STYX: variants seen among roughly 807,000 people sequenced by gnomAD.
STYX encodes the protein serine/threonine/tyrosine-interacting protein.
A neutral mutation model predicts 42.7 loss-of-function variants in STYX; 20 were observed. The observed-to-expected ratio is 0.47, with a 90% CI of 0.33 to 0.68. The LOEUF is 0.68. Among genes scored for constraint, STYX ranks in the 30% least tolerant of loss-of-function variants. STYX has a pLI of 0.02. For synonymous variants in STYX, 78 were observed against 81.9 expected, an observed-to-expected ratio of 0.95 and a Z score of 0.26; for missense variants, 226 against 268.5, an observed-to-expected ratio of 0.84 and a Z score of 1.11.
At chr14:52,768,790 T>TC in intron 9 of STYX, 50 bp from the exon 10 acceptor site, 1 of 1,334,224 alleles carries the variant, frequency 7.5e-7, no homozygotes, top group South Asian at 1.4e-5. Context: ...ATTTTGGGTA[T>TC]CCAAGAATGT....
Position 52,757,875 on chromosome 14 carries a change from G to A in STYX, c.382G>A (p.Ala128Thr). ...TTAAAATTATTTTCCCCTCTTCAGT[G>A]CAGCCTTTGTTATTGCATACATTAT... ...VHGNAGISRS[A>T]AFVIAYIMET... The change falls in exon 8 of 11, where the codon GCA (alanine) becomes ACA (threonine). Residue 128 changes from alanine to threonine, a missense_variant and splice_region_variant. Ala to Thr is a moderately conservative substitution (Grantham distance 58). Coordinates refer to ENST00000354586, the MANE Select transcript of STYX (RefSeq NM_145251.4). 1.2e-6 allele frequency: 2 copies of A among 1,612,706 alleles called. No homozygotes were observed. Among genetic ancestry groups the A allele is most frequent in the Non-Finnish European group, 1.7e-6 (2 of 1,179,768 alleles).
In STYX at chr14:52,736,112, C is replaced by G. The variant is rs925196166; in HGVS notation, c.57+5581C>G. On this transcript the variant is annotated intron_variant, in intron 1 of 10. Transcript: ENST00000354586. ...TCCTGGAATGCTTTAATTTCCACCC[C>G]CCGCCTTCAGAGCCTTTATGTTTGC... Among the ~76,000 whole-genome samples the G allele has an allele frequency of 3.3e-5, 5 of 152,180 alleles. No individual in the cohort carries two copies. The South Asian group carries it at 1.0e-3, about 32-fold the overall frequency.
intron 9 of STYX, among the ~76,000 whole-genome samples, chr14:52,765,559 G>C (rs987926297): frequency 6.6e-6 from 1 of 152,210 alleles, no homozygotes; most frequent in Non-Finnish European, 1.5e-5. Context: ...CCAATTTTAA[G>C]ATTCCCCCCT....
chr14:52,754,235 T>A (rs1314418138), intron 4 of STYX, among the ~76,000 whole-genome samples: 1 of 151,392 alleles, frequency 6.6e-6, no homozygotes, highest in East Asian at 1.9e-4. Flanking sequence ...TTTTCAAAGA[T>A]AGGATCTTTC....
chr14:52,770,351 AT>A (rs1016608830), intron 10 of STYX, among the ~76,000 whole-genome samples: 2 of 152,126 alleles, frequency 1.3e-5, no homozygotes, highest in Non-Finnish European at 2.9e-5. Flanking sequence ...AGGTCATGCC[AT>A]TGTTAGGCAA....
intron 1 of STYX, among the ~76,000 whole-genome samples, chr14:52,737,473 T>C (rs1230978603): frequency 6.6e-6 from 1 of 152,240 alleles, no homozygotes; most frequent in Admixed American, 6.5e-5. Context: ...TATTTTGGTT[T>C]ATCTGGCTTG....
At chr14:52,745,131 T>C (rs1281477916) in intron 2 of STYX, among the ~76,000 whole-genome samples, 2 of 151,502 alleles carry the variant, frequency 1.3e-5, no homozygotes, top group Non-Finnish European at 2.9e-5. Flanking sequence ...TTGTTTTTTT[T>C]TTTTTTGAAA....
At chr14:52,741,768 T>G (rs1169836434) in intron 1 of STYX, among the ~76,000 whole-genome samples, 1 of 152,188 alleles carries the variant, frequency 6.6e-6, no homozygotes, top group Non-Finnish European at 1.5e-5. Flanking sequence ...TCAATTATAC[T>G]TCTTATTTCT....
In STYX at chr14:52,772,862, C is replaced by CG. The variant is rs1179734347; in HGVS notation, c.*1757dup. On this transcript the variant is annotated 3_prime_UTR_variant, in exon 11 of 11. Transcript: ENST00000354586. ...AACAGCATATTGTTAATCTCGTTGT[C>CG]GTCCAGTATTCTGCTTTGTGATTAG... 2 of 151,840 alleles carry CG rather than the reference C, an allele frequency of 1.3e-5. No homozygotes were observed. The highest frequency in any genetic ancestry group is 4.8e-5 in the African/African-American group (2 of 41,324). The allele number at this position is 151,840 out of a possible 1,614,324, so 9.4% of individuals were successfully genotyped here. A position where few individuals can be genotyped will look rare whatever the true frequency, so the allele number is the denominator to read the frequency against.
intron 9 of STYX, among the ~76,000 whole-genome samples, chr14:52,766,153 C>A (rs1232395744): frequency 6.6e-6 from 1 of 151,928 alleles, no homozygotes; most frequent in Non-Finnish European, 1.5e-5. Context: ...CACACTATCA[C>A]ACCTGGCTAA....
chr14:52,760,143 C>T (rs2139923632), intron 9 of STYX, among the ~76,000 whole-genome samples: 1 of 152,222 alleles, frequency 6.6e-6, no homozygotes, highest in East Asian at 1.9e-4. Flanking sequence ...GAGTTTGAGG[C>T]TACAGTGAAC....
Position 52,752,469 on chromosome 14 carries a change from T to TA in STYX, c.242+1700dup, listed in dbSNP as rs928853772. On this transcript the variant is annotated intron_variant, in intron 4 of 10. Coordinates refer to ENST00000354586, the MANE Select transcript of STYX (RefSeq NM_145251.4). ...ACAGAGCAAGACTCTGTCTCAAAAA[T>TA]AAAAAAAAAAATTTAATGCTCTGCT... is the stretch of plus-strand genomic sequence containing the variant. Among the ~76,000 whole-genome samples, 29 of 145,762 alleles carry TA rather than the reference T, an allele frequency of 2.0e-4. No individual in the cohort carries two copies. In the East Asian group the frequency reaches 2.6e-3, roughly 13 times the overall value.
At chr14:52,751,627 A>C (rs993083670) in intron 4 of STYX, among the ~76,000 whole-genome samples, 3 of 152,184 alleles carry the variant, frequency 2.0e-5, no homozygotes, top group Non-Finnish European at 4.4e-5. Flanking sequence ...ATGGAGTAAA[A>C]ATGGTATCTC....
chr14:52,769,578 C>T (rs1432004533), intron 10 of STYX, among the ~76,000 whole-genome samples: 3 of 152,144 alleles, frequency 2.0e-5, no homozygotes, highest in Admixed American at 6.5e-5. Flanking sequence ...TTGCACTCTA[C>T]TGCACTGCCC....
At chr14:52,752,814 C>A (rs377545752) in intron 4 of STYX, among the ~76,000 whole-genome samples, 1 of 151,086 alleles carries the variant, frequency 6.6e-6, no homozygotes, top group African/African-American at 2.4e-5. Flanking sequence ...AAGGAAAATT[C>A]AGGGCCTGTG....
chr14:52,737,876 C>T (rs994525042), intron 1 of STYX, among the ~76,000 whole-genome samples: 1 of 152,110 alleles, frequency 6.6e-6, no homozygotes, highest in Non-Finnish European at 1.5e-5. Context: ...CCCGGGTTCA[C>T]GCCATTCTCC....
chr14:52,738,419 C>G (rs778393297), intron 1 of STYX, among the ~76,000 whole-genome samples: 5 of 152,052 alleles, frequency 3.3e-5, no homozygotes, highest in Admixed American at 6.6e-5. Context: ...CTCAAAAGTT[C>G]TTTGAAGCCT....
chr14:52,768,553 GT>G (rs566111671), intron 9 of STYX, among the ~76,000 whole-genome samples: 107 of 152,196 alleles, frequency 7.0e-4, no homozygotes, highest in Admixed American at 1.4e-3. Context: ...GTTTTTTGGG[GT>G]TTTTTTAAAC....
At chr14:52,745,578 G>A (rs985599689) in intron 2 of STYX, among the ~76,000 whole-genome samples, 2 of 152,170 alleles carry the variant, frequency 1.3e-5, no homozygotes, top group African/African-American at 2.4e-5. Context: ...TTTTGTGTCC[G>A]ATTTTTAATC....
Sources: gnomAD v4.1 joint callset for allele counts (sites outside exome capture counted in the v4.1 genomes callset) on GRCh38, gnomAD v4.1.1 for gene constraint, MANE v1.5 for transcripts, NCBI Gene and HGNC (gene_info 2026-07-23, HGNC 2026-07-21) for gene names.